GNB1L: variants seen among roughly 807,000 people sequenced by gnomAD.
GNB1L encodes the protein guanine nucleotide-binding protein subunit beta-like protein 1.
Under a neutral mutation model 29.1 loss-of-function variants are expected in GNB1L, and 20 were observed. That is an observed-to-expected ratio of 0.69 (90% CI 0.48 to 1.00). The LOEUF (loss-of-function observed/expected upper bound fraction) is 1.00. Ranked by LOEUF, GNB1L falls within the 50% of genes least tolerant of loss-of-function variation. GNB1L has a pLI of 0.00. For missense variants in GNB1L, 421 were observed against 464.9 expected (o/e 0.91, Z 0.87); for synonymous variants, 193 against 206.5 (o/e 0.93, Z 0.56).
At chr22:19,851,885 G>A (rs1385228121) in intron 2 of GNB1L, 1 of 1,614,062 alleles carries the variant, frequency 6.2e-7, no homozygotes, top group East Asian at 2.2e-5. Flanking sequence ...AAAGTGGAAG[G>A]ACATGTAATC....
At chr22:19,847,298 C>A in intron 2 of GNB1L, 2 of 985,006 alleles carry the variant, frequency 2.0e-6, no homozygotes, top group Non-Finnish European at 2.4e-6. Context: ...TTTGTTACTG[C>A]AGCACAATCT....
chr22:19,817,296 C>T (rs890083517), intron 4 of GNB1L, among the ~76,000 whole-genome samples: 5 of 152,222 alleles, frequency 3.3e-5, no homozygotes, highest in Admixed American at 3.3e-4. Context: ...TCCTGGCCAA[C>T]ATGGTGAAAC....
At chr22:19,801,619 C>T (rs1301926890) in intron 7 of GNB1L, among the ~76,000 whole-genome samples, 8 of 151,078 alleles carry the variant, frequency 5.3e-5, no homozygotes, top group East Asian at 3.9e-4. Flanking sequence ...CAGACCACCA[C>T]GGGGGCTGCA....
chr22:19,802,873 G>A (rs1162189961), intron 6 of GNB1L, among the ~76,000 whole-genome samples: 3 of 152,242 alleles, frequency 2.0e-5, no homozygotes, highest in African/African-American at 2.4e-5. Context: ...CAGACACCTC[G>A]TTTGTTAAGC....
Position 19,804,655 on chromosome 22 carries a change from A to G in GNB1L, c.516+2004T>C, listed in dbSNP as rs553433810. Reference sequence around the variant, plus strand: ...AAGCAAGTCAGGCCACTGTGCCACAATTGGATTGATAAATTATAACCTGAC... The same window carrying G: ...AAGCAAGTCAGGCCACTGTGCCACAGTTGGATTGATAAATTATAACCTGAC... On this transcript the variant is annotated intron_variant, in intron 6 of 7. Coordinates refer to ENST00000329517, the MANE Select transcript of GNB1L (RefSeq NM_053004.3). Among the ~76,000 whole-genome samples, 6 of 151,568 alleles carry G rather than the reference A, an allele frequency of 4.0e-5. No individual in the cohort carries two copies. In the South Asian group the frequency reaches 8.3e-4, roughly 21 times the overall value.
At chr22:19,841,095 A>C (rs1373127500) in intron 2 of GNB1L, among the ~76,000 whole-genome samples, 1 of 152,238 alleles carries the variant, frequency 6.6e-6, no homozygotes, top group Non-Finnish European at 1.5e-5. Context: ...AAAGGACATT[A>C]GGGCAAATTC....
intron 2 of GNB1L, among the ~76,000 whole-genome samples, chr22:19,844,971 C>T (rs1479368612): frequency 1.3e-5 from 2 of 152,246 alleles, no homozygotes; most frequent in African/African-American, 4.8e-5. Flanking sequence ...GGGGACCAAT[C>T]CCCTGGGGCT....
chr22:19,833,477 G>A (rs774638415), intron 2 of GNB1L, among the ~76,000 whole-genome samples: 14 of 152,096 alleles, frequency 9.2e-5, no homozygotes, highest in Non-Finnish European at 1.5e-4. Flanking sequence ...AGGCCAAGAC[G>A]GAGGATGGCT....
intron 2 of GNB1L, chr22:19,850,952 A>G (rs1000384144): frequency 7.3e-7 from 1 of 1,374,330 alleles, no homozygotes; most frequent in Non-Finnish European, 9.4e-7. Flanking sequence ...GAGAGCCAGC[A>G]GCAGGGAAAG....
At chr22:19,825,992 C>T (rs1054192670) in intron 2 of GNB1L, among the ~76,000 whole-genome samples, 9 of 152,128 alleles carry the variant, frequency 5.9e-5, no homozygotes, top group African/African-American at 1.9e-4. Flanking sequence ...AAATATTAAA[C>T]GCATCACTAA....
At chr22:19,797,575 C>T (rs760546774) in intron 7 of GNB1L, among the ~76,000 whole-genome samples, 6 of 152,144 alleles carry the variant, frequency 3.9e-5, no homozygotes, top group African/African-American at 1.4e-4. Flanking sequence ...CCTCGCCTGG[C>T]GAGGAGATGC....
intron 5 of GNB1L, among the ~76,000 whole-genome samples, chr22:19,808,353 G>C (rs924400962): frequency 1.3e-5 from 2 of 152,230 alleles, no homozygotes; most frequent in African/African-American, 4.8e-5. Context: ...GGAACAAACA[G>C]AGCAACATAA....
rs1183220803 is a variant in GNB1L at position 19,787,761 on chromosome 22, T to A, written c.*948A>T. The A allele has an allele frequency of 6.6e-6, 1 of 152,348 alleles. No homozygotes were observed. 9.4% of individuals were successfully genotyped at this position (152,348 alleles called of 1,614,324 possible). A position where few individuals can be genotyped will look rare whatever the true frequency, so the allele number is the denominator to read the frequency against. ...TCTGCCCATGGGCCCCACTCCAATA[T>A]TCAGGGTCATGGTTCTTTCCCAATC... On this transcript the variant is annotated 3_prime_UTR_variant, in exon 8 of 8. Transcript: ENST00000329517.
In GNB1L at chr22:19,806,651, G is replaced by A. The variant is rs763864248; in HGVS notation, c.516+8C>T. 1.4e-5 allele frequency: 22 copies of A among 1,588,532 alleles called. No homozygotes were observed. Among genetic ancestry groups the A allele is most frequent in the Non-Finnish European group, 1.8e-5 (21 of 1,158,946 alleles). Reference sequence around the variant, plus strand: ...GGCAGGGCGTGGCTGGTGCACGCGGGGCCTTACCTGCCACAGCCGCAGGCA... The same window carrying A: ...GGCAGGGCGTGGCTGGTGCACGCGGAGCCTTACCTGCCACAGCCGCAGGCA... On this transcript the variant is annotated splice_region_variant and intron_variant, in intron 6 of 7. Transcript: ENST00000329517.
At chr22:19,802,328 C>T (rs1346848160) in intron 6 of GNB1L, 112 bp from the exon 7 acceptor site, 1 of 807,936 alleles carries the variant, frequency 1.2e-6, no homozygotes, top group Non-Finnish European at 2.0e-6. Context: ...GGGCTGTTTC[C>T]CATGTCTTCC....
chr22:19,841,523 G>A (rs1937860395), intron 2 of GNB1L, among the ~76,000 whole-genome samples: 1 of 152,100 alleles, frequency 6.6e-6, no homozygotes, highest in African/African-American at 2.4e-5. Context: ...GATAGTCCCA[G>A]CTATGTTGGT....
At chr22:19,844,086 T>C (rs1387198955) in intron 2 of GNB1L, among the ~76,000 whole-genome samples, 1 of 152,176 alleles carries the variant, frequency 6.6e-6, no homozygotes. Context: ...CCAGGACTCC[T>C]GGCCTGCAGT....
At chr22:19,817,698 T>C (rs1363449513) in intron 4 of GNB1L, among the ~76,000 whole-genome samples, 1 of 152,110 alleles carries the variant, frequency 6.6e-6, no homozygotes. Flanking sequence ...CGTGAGGGGC[T>C]ACCTCCTGGG....
intron 2 of GNB1L, chr22:19,846,341 C>T (rs1002484633): frequency 2.5e-6 from 2 of 815,530 alleles, no homozygotes; most frequent in Non-Finnish European, 3.0e-6. Context: ...TGCCTTTGTA[C>T]CCCCCAGGTA....
Sources: allele counts gnomAD v4.1 joint callset (sites outside exome capture counted in the v4.1 genomes callset), GRCh38; gene constraint gnomAD v4.1.1; transcripts MANE v1.5; gene names NCBI Gene and HGNC (gene_info 2026-07-23, HGNC 2026-07-21).